LHFPL3: variants seen among roughly 807,000 people sequenced by gnomAD.
LHFPL3 encodes the protein LHFPL tetraspan subfamily member 3 protein.
Under a neutral mutation model 19.3 loss-of-function variants are expected in LHFPL3, and 5 were observed. The ratio of observed to expected loss-of-function variants is 0.26; its 90% confidence interval spans 0.14 to 0.54. The LOEUF (loss-of-function observed/expected upper bound fraction) is 0.54, where lower values mean the gene tolerates loss of function less well. Ranked by LOEUF, LHFPL3 falls within the 20% of genes least tolerant of loss-of-function variation. LHFPL3 has a pLI of 0.94. For synonymous variants in LHFPL3, 133 were observed against 126.2 expected (o/e 1.05, Z -0.36); for missense variants, 249 against 307.4 (o/e 0.81, Z 1.42).
chr7:104,409,220 A>C (rs1476919044), intron 1 of LHFPL3, among the ~76,000 whole-genome samples: 1 of 152,000 alleles, frequency 6.6e-6, no homozygotes, highest in Non-Finnish European at 1.5e-5. Flanking sequence ...GGGAGGAAAT[A>C]GCTCTCAATC....
rs998157087 is a variant in LHFPL3 at position 104,750,183 on chromosome 7, G to A, written c.682+13272G>A. ...ACACTTCTGAGGCTGTGCCTATGCC[G>A]ACAAGTCCTGTAACAGCCTTTTGTT... On this transcript the variant is annotated intron_variant, in intron 2 of 2. Coordinates refer to ENST00000424859, the MANE Select transcript of LHFPL3 (RefSeq NM_199000.3). 2.2e-4 allele frequency among the ~76,000 whole-genome samples: 33 copies of A among 152,270 alleles called. No homozygotes were observed. The East Asian group carries it at 2.3e-3, about 11-fold the overall frequency.
chr7:104,678,611 A>G (rs1277167849), intron 1 of LHFPL3, among the ~76,000 whole-genome samples: 2 of 152,188 alleles, frequency 1.3e-5, no homozygotes, highest in East Asian at 1.9e-4. Context: ...AACCAGGATT[A>G]TTAATTTTAT....
chr7:104,788,521 T>C (rs1386152642), intron 2 of LHFPL3, among the ~76,000 whole-genome samples: 1 of 152,228 alleles, frequency 6.6e-6, no homozygotes, highest in Non-Finnish European at 1.5e-5. Flanking sequence ...TGTAGTGGCC[T>C]ATTTCATGCT....
chr7:104,441,810 A>G (rs1170533544), intron 1 of LHFPL3, among the ~76,000 whole-genome samples: 1 of 152,124 alleles, frequency 6.6e-6, no homozygotes, highest in African/African-American at 2.4e-5. Flanking sequence ...TCCTGACCTC[A>G]TGATCCGCCC....
chr7:104,407,023 C>A (rs571457953), intron 1 of LHFPL3, among the ~76,000 whole-genome samples: 26 of 152,252 alleles, frequency 1.7e-4, no homozygotes, highest in Non-Finnish European at 2.8e-4. Flanking sequence ...CCACAGGGGA[C>A]CTCTCTGAGC....
intron 2 of LHFPL3, among the ~76,000 whole-genome samples, chr7:104,741,154 C>A (rs1301731168): frequency 1.3e-5 from 2 of 152,158 alleles, no homozygotes; most frequent in African/African-American, 4.8e-5. Context: ...TTCCTTGACA[C>A]ACTTCAGTCA....
At chr7:104,599,776 A>G (rs1244286451) in intron 1 of LHFPL3, among the ~76,000 whole-genome samples, 1 of 152,208 alleles carries the variant, frequency 6.6e-6, no homozygotes, top group East Asian at 1.9e-4. Context: ...GTGCAGAGGG[A>G]TGCAGGTATG....
At chr7:104,553,204 T>A (rs1007178587) in intron 1 of LHFPL3, among the ~76,000 whole-genome samples, 2 of 152,188 alleles carry the variant, frequency 1.3e-5, no homozygotes, top group Non-Finnish European at 2.9e-5. Context: ...TGTTTTGCAA[T>A]ATCCTTTCCC....
chr7:104,739,878 T>G (rs578140457), intron 2 of LHFPL3, among the ~76,000 whole-genome samples: 17 of 152,318 alleles, frequency 1.1e-4, no homozygotes, highest in Non-Finnish European at 2.2e-4. Flanking sequence ...CACACTGTAA[T>G]GTCTTTTATA....
At chr7:104,549,474 C>A (rs1420944330) in intron 1 of LHFPL3, among the ~76,000 whole-genome samples, 1 of 151,724 alleles carries the variant, frequency 6.6e-6, no homozygotes, top group African/African-American at 2.4e-5. Flanking sequence ...CACACACACA[C>A]ACACACACAC....
intron 1 of LHFPL3, among the ~76,000 whole-genome samples, chr7:104,670,297 A>AT (rs1792452177): frequency 6.6e-6 from 1 of 152,126 alleles, no homozygotes; most frequent in Non-Finnish European, 1.5e-5. Flanking sequence ...ATAGGGGAAA[A>AT]TTGTGTGACC....
intron 1 of LHFPL3, among the ~76,000 whole-genome samples, chr7:104,558,545 ATTTG>A (rs957105638): frequency 9.2e-4 from 139 of 151,594 alleles, no homozygotes; most frequent in African/African-American, 3.0e-3. Flanking sequence ...TTTCTTGTAA[ATTTG>A]TTTGAGTTCA....
At chr7:104,496,002 A>C (rs549637742) in intron 1 of LHFPL3, among the ~76,000 whole-genome samples, 1 of 152,068 alleles carries the variant, frequency 6.6e-6, no homozygotes, top group Non-Finnish European at 1.5e-5. Context: ...AAGTTTTAGG[A>C]TACATGTGCA....
chr7:104,615,943 T>A (rs1473803065), intron 1 of LHFPL3, among the ~76,000 whole-genome samples: 2 of 151,950 alleles, frequency 1.3e-5, no homozygotes, highest in Non-Finnish European at 2.9e-5. Flanking sequence ...ATGTGAAGGA[T>A]CTCTTCAAGG....
chr7:104,714,506 A>T (rs1385034951), intron 1 of LHFPL3, among the ~76,000 whole-genome samples: 1 of 151,960 alleles, frequency 6.6e-6, no homozygotes, highest in Non-Finnish European at 1.5e-5. Context: ...ACAATTTGCC[A>T]CAAGTCTGGG....
chr7:104,394,040 C>T (rs1003574078), intron 1 of LHFPL3, among the ~76,000 whole-genome samples: 2 of 152,184 alleles, frequency 1.3e-5, no homozygotes, highest in African/African-American at 4.8e-5. Flanking sequence ...CTATACAACT[C>T]TCTGAATATA....
At chr7:104,421,803 A>G (rs1303948015) in intron 1 of LHFPL3, among the ~76,000 whole-genome samples, 2 of 152,198 alleles carry the variant, frequency 1.3e-5, no homozygotes, top group Non-Finnish European at 2.9e-5. Flanking sequence ...TATCCACCCC[A>G]AATTCATACA....
At chr7:104,454,890 A>G (rs1019331499) in intron 1 of LHFPL3, among the ~76,000 whole-genome samples, 3 of 152,234 alleles carry the variant, frequency 2.0e-5, no homozygotes, top group African/African-American at 4.8e-5. Context: ...TAAAGTACAA[A>G]TTATTTAGAA....
chr7:104,631,151 A>T (rs941612706), intron 1 of LHFPL3, among the ~76,000 whole-genome samples: 3 of 152,180 alleles, frequency 2.0e-5, no homozygotes, highest in Non-Finnish European at 4.4e-5. Flanking sequence ...AACAACAACA[A>T]CAACAACAAC....
Sources: allele counts gnomAD v4.1 joint callset (sites outside exome capture counted in the v4.1 genomes callset), GRCh38; gene constraint gnomAD v4.1.1; transcripts MANE v1.5; gene names NCBI Gene and HGNC (gene_info 2026-07-23, HGNC 2026-07-21).